Variants in ZMAT4 observed in about 807,000 individuals in gnomAD.
ZMAT4 encodes the protein zinc finger matrin-type protein 4.
ZMAT4 carries 17 observed loss-of-function variants against 28.7 expected under a neutral mutation model. The ratio of observed to expected loss-of-function variants is 0.59; its 90% CI spans 0.41 to 0.89. ZMAT4 has a LOEUF of 0.89. Ranked by LOEUF, ZMAT4 falls within the 40% of genes least tolerant of loss-of-function variation. ZMAT4 has a pLI of 0.00. For missense variants in ZMAT4, 240 were observed against 283.8 expected (o/e 0.85, Z 1.11); for synonymous variants, 117 against 109.2 (o/e 1.07, Z -0.44).
At chr8:40,779,908 G>C (rs1050567752) in intron 2 of ZMAT4, among the ~76,000 whole-genome samples, 6 of 152,144 alleles carry the variant, frequency 3.9e-5, no homozygotes, top group African/African-American at 1.4e-4. Flanking sequence ...AAAACAGCAG[G>C]CTGAGAGGTG....
In ZMAT4 at chr8:40,674,909, C is replaced by T. The variant is rs746421636; in HGVS notation, c.372G>A (p.Lys124=). 3.1e-6 allele frequency: 5 copies of T among 1,612,932 alleles called. No homozygotes were observed. In the African/African-American group the frequency reaches 5.3e-5, roughly 17 times the overall value. Residue 124 remains lysine (K), a synonymous_variant, in exon 5 of 7, where the codon AAG becomes AAA. Transcript: ENST00000297737. ...CCGGAGCAGTGTCCATCCGTGGGGG[C>T]TTAAGTGGGCTCAGGGGTGTTGCTG... is the stretch of plus-strand genomic sequence containing the variant. ...KTTATPLSPL[K]PPRMDTAPVV...
intron 1 of ZMAT4, among the ~76,000 whole-genome samples, chr8:40,864,613 C>A (rs1358971522): frequency 6.6e-6 from 1 of 152,156 alleles, no homozygotes; most frequent in Non-Finnish European, 1.5e-5. Context: ...GACATCATGA[C>A]CCCAGGTCAT....
At chr8:40,616,417 C>T (rs1806007448) in intron 5 of ZMAT4, among the ~76,000 whole-genome samples, 1 of 152,116 alleles carries the variant, frequency 6.6e-6, no homozygotes, top group East Asian at 1.9e-4. Context: ...AATCATGCTG[C>T]TATAAAGATA....
intron 2 of ZMAT4, among the ~76,000 whole-genome samples, chr8:40,791,563 G>T (rs185189074): frequency 6.6e-6 from 1 of 152,214 alleles, no homozygotes. Flanking sequence ...GGCTGAGTTG[G>T]GCCATCTTCT....
At chr8:40,618,300 G>A (rs566234204) in intron 5 of ZMAT4, among the ~76,000 whole-genome samples, 2 of 152,110 alleles carry the variant, frequency 1.3e-5, no homozygotes, top group East Asian at 3.9e-4. Flanking sequence ...TTCTGTAATG[G>A]GGTGTCCCAG....
At chr8:40,636,715 G>T (rs1371668906) in intron 5 of ZMAT4, among the ~76,000 whole-genome samples, 1 of 152,166 alleles carries the variant, frequency 6.6e-6, no homozygotes, top group Non-Finnish European at 1.5e-5. Context: ...TGGATCCTCT[G>T]CAGGGAAGAG....
At chr8:40,797,274 C>T (rs1456921290) in intron 2 of ZMAT4, among the ~76,000 whole-genome samples, 1 of 152,158 alleles carries the variant, frequency 6.6e-6, no homozygotes, top group African/African-American at 2.4e-5. Context: ...TGTGCCTCTG[C>T]CGGTGCACTT....
At chr8:40,797,642 A>G (rs761483602) in intron 2 of ZMAT4, among the ~76,000 whole-genome samples, 1 of 152,212 alleles carries the variant, frequency 6.6e-6, no homozygotes, top group Non-Finnish European at 1.5e-5. Flanking sequence ...AAGGAACAGC[A>G]TGCAAAATTG....
In ZMAT4 at chr8:40,731,291, C is replaced by T. The variant is rs1000402717; in HGVS notation, c.193-33890G>A. On this transcript the variant is annotated intron_variant, in intron 3 of 6. Coordinates refer to ENST00000297737, the MANE Select transcript of ZMAT4 (RefSeq NM_024645.3). ...ACATTCCAAAGTAACTGCATATGGG[C>T]GGGGGAGGGGGGAATTAGAAAATGA... is the stretch of plus-strand genomic sequence containing the variant. 9.3e-5 allele frequency among the ~76,000 whole-genome samples: 13 copies of T among 140,328 alleles called. 3 individuals are homozygous for T. The highest frequency in any genetic ancestry group is 6.9e-4 in the South Asian group (3 of 4,364). The allele number at this position is 140,328 out of a possible 152,430, so 92.1% of individuals were successfully genotyped here.
intron 6 of ZMAT4, among the ~76,000 whole-genome samples, chr8:40,561,220 A>AT (rs890504933): frequency 3.3e-5 from 5 of 150,422 alleles, no homozygotes; most frequent in Middle Eastern, 3.4e-3. Context: ...TATATCTTTA[A>AT]TTTTTTTTTT....
intron 2 of ZMAT4, among the ~76,000 whole-genome samples, chr8:40,777,446 T>C (rs1351271206): frequency 6.6e-6 from 1 of 152,202 alleles, no homozygotes; most frequent in Non-Finnish European, 1.5e-5. Flanking sequence ...GATTCTCTTT[T>C]CTTGAGAGAG....
chr8:40,712,295 A>C (rs1810657338), intron 3 of ZMAT4, among the ~76,000 whole-genome samples: 1 of 152,214 alleles, frequency 6.6e-6, no homozygotes, highest in African/African-American at 2.4e-5. Context: ...ATTTAAGAAT[A>C]AGCTACTGTT....
intron 5 of ZMAT4, among the ~76,000 whole-genome samples, chr8:40,614,335 G>C (rs1010939754): frequency 1.5e-4 from 23 of 152,132 alleles, no homozygotes; most frequent in African/African-American, 5.3e-4. Context: ...TCTTTTTCAA[G>C]TATGAAGGGA....
chr8:40,650,314 T>C (rs1397648608), intron 5 of ZMAT4, among the ~76,000 whole-genome samples: 4 of 151,310 alleles, frequency 2.6e-5, no homozygotes, highest in African/African-American at 7.3e-5. Flanking sequence ...GCAAATAAAC[T>C]AGAAAATCTA....
At chr8:40,592,478 T>C (rs1804930249) in intron 5 of ZMAT4, among the ~76,000 whole-genome samples, 1 of 152,234 alleles carries the variant, frequency 6.6e-6, no homozygotes, top group Non-Finnish European at 1.5e-5. Context: ...AACAGTCGAT[T>C]AAACAAAGAA....
chr8:40,651,208 T>G (rs1807630673), intron 5 of ZMAT4, among the ~76,000 whole-genome samples: 1 of 152,122 alleles, frequency 6.6e-6, no homozygotes, highest in African/African-American at 2.4e-5. Flanking sequence ...CTCCTTAAGC[T>G]GATAAGCAAC....
chr8:40,672,937 C>A (rs370162432), intron 5 of ZMAT4, among the ~76,000 whole-genome samples: 1 of 152,168 alleles, frequency 6.6e-6, no homozygotes, highest in Non-Finnish European at 1.5e-5. Flanking sequence ...TAGGAAGCAC[C>A]AAGTTGCTTT....
chr8:40,668,912 A>C (rs2118882898), intron 5 of ZMAT4, among the ~76,000 whole-genome samples: 1 of 151,012 alleles, frequency 6.6e-6, no homozygotes, highest in African/African-American at 2.4e-5. Context: ...AATGCCCTTG[A>C]CTACCCAGAA....
intron 5 of ZMAT4, among the ~76,000 whole-genome samples, chr8:40,657,032 A>T (rs1354284432): frequency 1.3e-5 from 2 of 152,086 alleles, no homozygotes; most frequent in African/African-American, 2.4e-5. Context: ...TTTATTTATT[A>T]TTTATTTACT....
Sources: gnomAD v4.1 joint callset for allele counts (sites outside exome capture counted in the v4.1 genomes callset) on GRCh38, gnomAD v4.1.1 for gene constraint, MANE v1.5 for transcripts, NCBI Gene and HGNC (gene_info 2026-07-23, HGNC 2026-07-21) for gene names.